TLE4: variants seen among roughly 807,000 people sequenced by gnomAD.
TLE4 encodes the protein transducin-like enhancer protein 4.
Under a neutral mutation model 92.8 loss-of-function variants are expected in TLE4, and 8 were observed. The observed-to-expected ratio is 0.09, with a 90% CI of 0.05 to 0.16. The LOEUF is 0.16. Ranked by LOEUF, TLE4 falls within the 10% of genes least tolerant of loss-of-function variation. The probability of loss-of-function intolerance (pLI) is 1.00; values close to 1 mark genes in which losing one functional copy is unlikely to be tolerated. For missense variants in TLE4, 675 were observed against 997.6 expected (o/e 0.68, Z 4.36); for synonymous variants, 371 against 374.1 (o/e 0.99, Z 0.10).
chr9:79,665,867 T>C (rs2061310332), intron 8 of TLE4, among the ~76,000 whole-genome samples: 1 of 152,226 alleles, frequency 6.6e-6, no homozygotes, highest in Non-Finnish European at 1.5e-5. Context: ...TTCAAGAGTA[T>C]TTTTAAAAAT....
chr9:79,647,561 G>A (rs2134074090), intron 6 of TLE4, among the ~76,000 whole-genome samples: 1 of 152,112 alleles, frequency 6.6e-6, no homozygotes, highest in Middle Eastern at 3.4e-3. Context: ...ATTTCTTCTA[G>A]TTTAATTTTA....
Position 79,572,509 on chromosome 9 carries a change from G to C in TLE4, c.-282G>C, listed in dbSNP as rs1200814807. ...GGCTCGGCGGGTGCGCCTCGGCGGAGCGAACGTCGGAGCGTTGCCTTGGGA... is the reference window on the plus strand; with the variant it reads ...GGCTCGGCGGGTGCGCCTCGGCGGACCGAACGTCGGAGCGTTGCCTTGGGA... On this transcript the variant is annotated 5_prime_UTR_variant, in exon 1 of 20. Coordinates refer to ENST00000376552, the MANE Select transcript of TLE4 (RefSeq NM_007005.6). The C allele has an allele frequency of 6.4e-6, 1 of 155,902 alleles. No homozygotes were observed. The highest frequency in any genetic ancestry group is 1.4e-5 in the Non-Finnish European group (1 of 71,034). The allele number at this position is 155,902 out of a possible 1,614,324, so 9.7% of individuals were successfully genotyped here.
chr9:79,620,695 G>A (rs2050737082), intron 5 of TLE4, among the ~76,000 whole-genome samples: 1 of 152,214 alleles, frequency 6.6e-6, no homozygotes, highest in Non-Finnish European at 1.5e-5. Context: ...TTTCTTGGGT[G>A]ACTGTGTTGG....
chr9:79,594,865 A>G (rs1183016436), intron 4 of TLE4, among the ~76,000 whole-genome samples: 1 of 152,208 alleles, frequency 6.6e-6, no homozygotes, highest in Non-Finnish European at 1.5e-5. Context: ...AGTTTAAGGG[A>G]GCAAAACTCC....
rs2036160191 is a variant in TLE4 at position 79,572,799 on chromosome 9, C to T, written c.9C>T (p.Arg3=). 1.2e-6 allele frequency: 2 copies of T among 1,602,002 alleles called. No individual in the cohort carries two copies. Among genetic ancestry groups the T allele is most frequent in the Admixed American group, 3.4e-5 (2 of 58,926 alleles). Residue 3 remains arginine (R), a synonymous_variant, in exon 1 of 20, where the codon CGC becomes CGT. Transcript: ENST00000376552. ...CAACTAAATCGGCTTGGATGATTCG[C>T]GACCTGAGCAAGATGTACCCGCAGA... The part of the protein sequence containing the change: MI[R]DLSKMYPQTR...
At chr9:79,668,995 G>A (rs912111963) in intron 8 of TLE4, among the ~76,000 whole-genome samples, 1 of 152,132 alleles carries the variant, frequency 6.6e-6, no homozygotes, top group African/African-American at 2.4e-5. Context: ...GGAGAAGCCC[G>A]CCATCCTTCT....
intron 6 of TLE4, among the ~76,000 whole-genome samples, chr9:79,651,233 G>C (rs1043118450): frequency 6.6e-6 from 1 of 152,138 alleles, no homozygotes; most frequent in South Asian, 2.1e-4. Context: ...CTCAATACTT[G>C]TTGTCATACA....
chr9:79,621,399 A>G (rs1339195725), intron 5 of TLE4, among the ~76,000 whole-genome samples: 1 of 152,196 alleles, frequency 6.6e-6, no homozygotes, highest in African/African-American at 2.4e-5. Context: ...GAGAACATGC[A>G]TTATGCATTG....
At chr9:79,606,187 G>GCTTTTTTT (rs2046832468) in intron 4 of TLE4, among the ~76,000 whole-genome samples, 1 of 28,674 alleles carries the variant, frequency 3.5e-5, no homozygotes, top group African/African-American at 1.3e-4. Context: ...AGTAGTAGTT[G>GCTTTTTTT]TTTTTTTTTT....
intron 8 of TLE4, among the ~76,000 whole-genome samples, chr9:79,674,559 C>T (rs1316537942): frequency 6.6e-6 from 1 of 152,180 alleles, no homozygotes. Context: ...TAGGAGCTTC[C>T]TCCTTTTCCT....
intron 8 of TLE4, among the ~76,000 whole-genome samples, chr9:79,675,466 A>G (rs965744942): frequency 2.0e-5 from 3 of 152,224 alleles, no homozygotes; most frequent in African/African-American, 4.8e-5. Context: ...ATTGGGGCCC[A>G]TGGCTTTACA....
At chr9:79,664,191 G>A (rs1049466138) in intron 8 of TLE4, among the ~76,000 whole-genome samples, 7 of 152,300 alleles carry the variant, frequency 4.6e-5, no homozygotes, top group African/African-American at 1.4e-4. Context: ...GATTTATCCC[G>A]GCAGTGCATT....
chr9:79,695,444 A>G (rs1270977485), intron 8 of TLE4, among the ~76,000 whole-genome samples: 1 of 152,166 alleles, frequency 6.6e-6, no homozygotes, highest in African/African-American at 2.4e-5. Flanking sequence ...ACAATAGTGC[A>G]TGACCTTTAG....
At chr9:79,573,159 C>T in intron 1 of TLE4, 3 of 846,340 alleles carry the variant, frequency 3.5e-6, no homozygotes, top group Non-Finnish European at 4.5e-6. Flanking sequence ...CGCGACTCCG[C>T]GCCCGGGCGG....
chr9:79,663,067 TGGGGGTGGA>T (rs1423305110), intron 8 of TLE4, among the ~76,000 whole-genome samples: 1 of 98,878 alleles, frequency 1.0e-5, no homozygotes, highest in Non-Finnish European at 2.3e-5. Context: ...GGGGTGGGGG[TGGGGGTGGA>T]GAAGGAGGGG....
chr9:79,649,866 G>A, intron 6 of TLE4: 2 of 1,362,758 alleles, frequency 1.5e-6, no homozygotes, highest in Non-Finnish European at 2.0e-6. Context: ...AAGGTATTGG[G>A]CTTTGGCTGA....
intron 4 of TLE4, among the ~76,000 whole-genome samples, chr9:79,586,579 G>A (rs1193992049): frequency 1.3e-5 from 2 of 152,242 alleles, no homozygotes; most frequent in South Asian, 4.1e-4. Context: ...CTTACAGTGA[G>A]CTTGACATCT....
chr9:79,592,101 C>CTTCTTCTTCTTTCTTCTTTCTTCT lies in TLE4; in HGVS notation c.252+15960_252+15983dup, dbSNP rs1230377023. ...GGAGTGTGGAAGAGAGTTTCTTCTT[C>CTTCTTCTTCTTTCTTCTTTCTTCT]TTCTTCTTCTTTCTTCTTTCTTCTT... On this transcript the variant is annotated intron_variant, in intron 4 of 19. Coordinates refer to ENST00000376552, the MANE Select transcript of TLE4 (RefSeq NM_007005.6). Among the ~76,000 whole-genome samples the CTTCTTCTTCTTTCTTCTTTCTTCT allele has an allele frequency of 1.4e-4, 21 of 151,628 alleles. 1 individual carries two copies. Among genetic ancestry groups the CTTCTTCTTCTTTCTTCTTTCTTCT allele is most frequent in the African/African-American group, 4.6e-4 (19 of 41,164 alleles).
intron 4 of TLE4, among the ~76,000 whole-genome samples, chr9:79,591,891 G>A (rs1186883490): frequency 6.6e-6 from 1 of 151,624 alleles, no homozygotes; most frequent in Non-Finnish European, 1.5e-5. Context: ...AGGAAGAGGA[G>A]GAGGGAATGA....
Sources: allele counts gnomAD v4.1 joint callset (sites outside exome capture counted in the v4.1 genomes callset), GRCh38; gene constraint gnomAD v4.1.1; transcripts MANE v1.5; gene names NCBI Gene and HGNC (gene_info 2026-07-23, HGNC 2026-07-21).